RTF1: variants seen among roughly 807,000 people sequenced by gnomAD.
RTF1 encodes the protein RNA polymerase-associated protein RTF1 homolog.
RTF1 carries 10 observed loss-of-function variants against 95.7 expected under a neutral mutation model. The ratio of observed to expected loss-of-function variants is 0.10; its 90% CI spans 0.06 to 0.18. RTF1 has a LOEUF of 0.18. Ranked by LOEUF, RTF1 falls within the 10% of genes least tolerant of loss-of-function variation. The pLI, the probability that RTF1 is intolerant of heterozygous loss-of-function variation, is 1.00. For synonymous variants in RTF1, 305 were observed against 311.8 expected (o/e 0.98, Z 0.23); for missense variants, 458 against 875.6 (o/e 0.52, Z 6.02).
At position 41,480,645 on chromosome 15, in the gene RTF1, T is replaced by C. The variant is rs532583998; in HGVS notation, c.2091T>C (p.Ser697=). The change falls in exon 18 of 18, where the codon TCT becomes TCC. Residue 697 remains serine (S), a synonymous_variant. Transcript: ENST00000389629. The part of the protein sequence containing the change: ...PPAKDGAPRR[S]LNLEDYKKRR... The stretch of plus-strand genomic sequence containing the variant: ...CCAAGGATGGGGCTCCAAGGAGATC[T>C]CTGAACTTGGAAGACTACAAAAAAC... 7.4e-5 allele frequency: 119 copies of C among 1,614,154 alleles called. 2 individuals carry two copies. In the Middle Eastern group the frequency reaches 1.2e-3, roughly 16 times the overall value.
rs571088500 is a variant in RTF1, at chr15:41,469,237, G to A, written c.890-1020G>A. Among the ~76,000 whole-genome samples, 6 of 152,180 alleles carry A rather than the reference G, an allele frequency of 3.9e-5. No homozygotes were observed. In the South Asian group the frequency reaches 1.2e-3, roughly 32 times the overall value. ...CTTGCCTTGGCCTCCCAAAGTGCAT[G>A]AGCCAACACTCCCAGCCTAAAATTT... is the stretch of plus-strand genomic sequence containing the variant. On this transcript the variant is annotated intron_variant, in intron 6 of 17. Coordinates refer to ENST00000389629, the MANE Select transcript of RTF1 (RefSeq NM_015138.5).
chr15:41,430,818 C>T (rs1164088398), intron 1 of RTF1, among the ~76,000 whole-genome samples: 2 of 152,188 alleles, frequency 1.3e-5, no homozygotes, highest in African/African-American at 2.4e-5. Flanking sequence ...ACTTCCTATA[C>T]AATCCTCAAG....
At chr15:41,434,342 T>C (rs574996099) in intron 1 of RTF1, among the ~76,000 whole-genome samples, 9 of 152,264 alleles carry the variant, frequency 5.9e-5, no homozygotes, top group Admixed American at 3.9e-4. Context: ...AGTGGAATAC[T>C]ACTTAGCAAA....
intron 1 of RTF1, among the ~76,000 whole-genome samples, chr15:41,427,149 T>A (rs1380411064): frequency 1.9e-5 from 2 of 104,458 alleles, no homozygotes; most frequent in East Asian, 6.4e-4. Context: ...CTACAAATTT[T>A]TTTTTTTTTT....
chr15:41,427,211 G>T lies in RTF1; in HGVS notation c.198+9898G>T, dbSNP rs558650175. Among the ~76,000 whole-genome samples the T allele has an allele frequency of 8.2e-5, 12 of 145,542 alleles. No homozygotes were observed. In the East Asian group the frequency reaches 1.5e-3, roughly 18 times the overall value. On this transcript the variant is annotated intron_variant, in intron 1 of 17. Coordinates refer to ENST00000389629, the MANE Select transcript of RTF1 (RefSeq NM_015138.5). ...CTGTTGCCCAGGCCGGAGTGCAGTG[G>T]TGCGATCTCGGCTCACTGCAAGCTC...
intron 4 of RTF1, among the ~76,000 whole-genome samples, chr15:41,458,178 G>C (rs570006423): frequency 1.3e-5 from 2 of 152,274 alleles, no homozygotes; most frequent in African/African-American, 4.8e-5. Context: ...TATTACAGAG[G>C]TAGACGCTTA....
chr15:41,417,440 A>G (rs555568872), intron 1 of RTF1, 127 bp downstream of exon 1: 1 of 758,418 alleles, frequency 1.3e-6, no homozygotes, highest in Non-Finnish European at 1.8e-6. Flanking sequence ...CCTGGGCACC[A>G]CTACAGCCCC....
chr15:41,428,427 C>T (rs868193449), intron 1 of RTF1, among the ~76,000 whole-genome samples: 16 of 151,138 alleles, frequency 1.1e-4, no homozygotes, highest in Middle Eastern at 3.4e-3. Flanking sequence ...GCCACTACAC[C>T]CGGCTAATTT....
chr15:41,457,234 T>C (rs1188910244), intron 3 of RTF1, among the ~76,000 whole-genome samples: 1 of 152,044 alleles, frequency 6.6e-6, no homozygotes, highest in Admixed American at 6.6e-5. Context: ...AGACCCCAAT[T>C]CTATTTAAAA....
chr15:41,424,311 A>G (rs1448648000), intron 1 of RTF1, among the ~76,000 whole-genome samples: 1 of 152,188 alleles, frequency 6.6e-6, no homozygotes, highest in Non-Finnish European at 1.5e-5. Flanking sequence ...GACCTGGAAT[A>G]TGTGTTAAGG....
intron 13 of RTF1, 22 bp downstream of exon 13, chr15:41,477,308 T>C: frequency 6.2e-7 from 1 of 1,614,190 alleles, no homozygotes; most frequent in South Asian, 1.1e-5. Flanking sequence ...AGCCTATTTT[T>C]GGCCCGCAGA....
At chr15:41,467,680 G>A (rs867792766) in intron 6 of RTF1, among the ~76,000 whole-genome samples, 5 of 151,478 alleles carry the variant, frequency 3.3e-5, no homozygotes, top group Admixed American at 6.6e-5. Context: ...CCGCCACTGC[G>A]CTCCAGCCTG....
At chr15:41,455,684 G>A (rs1296426679) in intron 3 of RTF1, among the ~76,000 whole-genome samples, 1 of 151,360 alleles carries the variant, frequency 6.6e-6, no homozygotes, top group African/African-American at 2.4e-5. Flanking sequence ...GCGCTCCTGT[G>A]GTCCCAGCTA....
chr15:41,478,531 C>T lies in RTF1; in HGVS notation c.1741-17C>T, dbSNP rs1381889308. ...GGGCTGGAGGTGCAGTTCTGTGGTG[C>T]ATGCTTTCTGTTTCAGGCTGAAAGT... is the stretch of plus-strand genomic sequence containing the variant. On this transcript the variant is annotated splice_polypyrimidine_tract_variant and intron_variant, in intron 14 of 17. Transcript: ENST00000389629. 1 of 1,609,066 alleles carries T rather than the reference C, an allele frequency of 6.2e-7. No individual in the cohort carries two copies. The highest frequency in any genetic ancestry group is 1.3e-5 in the African/African-American group (1 of 74,136).
chr15:41,417,319 G>C lies in RTF1; in HGVS notation c.198+6G>C. On this transcript the variant is annotated splice_donor_region_variant and intron_variant, in intron 1 of 17. Transcript: ENST00000389629. ...GCGACGAGAACCTGGATCAGGTGAG[G>C]GCAGGCCGCGGAGGCGCGGGCCGGC... 1 of 1,247,040 alleles carries C rather than the reference G, an allele frequency of 8.0e-7. No individual in the cohort carries two copies. Among genetic ancestry groups the C allele is most frequent in the Non-Finnish European group, 1.0e-6 (1 of 987,996 alleles). The allele number at this position is 1,247,040 out of a possible 1,614,324, so 77.2% of individuals were successfully genotyped here.
In RTF1 at chr15:41,465,101, CTTTTTT is replaced by C. The variant is rs535490851; in HGVS notation, c.777+217_777+222del. On this transcript the variant is annotated intron_variant, in intron 5 of 17. Coordinates refer to ENST00000389629, the MANE Select transcript of RTF1 (RefSeq NM_015138.5). Reference sequence around the variant, plus strand: ...TTCCTTTGCTTTCCTTTTTCCTTTTCTTTTTTCTTTCTTCTTTCTTTTTCCCTTTTC... The same window carrying C: ...TTCCTTTGCTTTCCTTTTTCCTTTTCCTTTCTTCTTTCTTTTTCCCTTTTC... Among the ~76,000 whole-genome samples, 640 of 151,994 alleles carry C rather than the reference CTTTTTT, an allele frequency of 4.2e-3. 5 individuals are homozygous for C. Among genetic ancestry groups the C allele is most frequent in the Admixed American group, 5.1e-3 (78 of 15,232 alleles).
At chr15:41,477,046 TCTC>T in intron 12 of RTF1, 116 bp from the exon 13 acceptor site, 3 of 1,251,936 alleles carry the variant, frequency 2.4e-6, no homozygotes, top group South Asian at 2.5e-5. Flanking sequence ...TTCTTCCACA[TCTC>T]CTGTCCTTTG....
chr15:41,474,494 C>A, intron 8 of RTF1, 126 bp from the exon 9 acceptor site: 1 of 704,670 alleles, frequency 1.4e-6, no homozygotes, highest in Non-Finnish European at 2.6e-6. Context: ...GAACCCCTGG[C>A]AGCTGTGGAC....
chr15:41,454,894 C>G (rs1595433991), intron 3 of RTF1, among the ~76,000 whole-genome samples: 1 of 152,046 alleles, frequency 6.6e-6, no homozygotes, highest in South Asian at 2.1e-4. Flanking sequence ...TTGTGAATAC[C>G]CATATGTGGT....
Sources: allele counts gnomAD v4.1 joint callset (sites outside exome capture counted in the v4.1 genomes callset), GRCh38; gene constraint gnomAD v4.1.1; transcripts MANE v1.5; gene names NCBI Gene and HGNC (gene_info 2026-07-23, HGNC 2026-07-21).